The following PXDNL variants were observed in gnomAD, a reference collection of about 807,000 sequenced individuals.
PXDNL encodes the protein peroxidasin like.
A neutral mutation model predicts 150.8 loss-of-function variants in PXDNL; 145 were observed. That is an observed-to-expected ratio of 0.96 (90% CI 0.84 to 1.10). The LOEUF is 1.10. Ranked by LOEUF, PXDNL falls within the 50% of genes least tolerant of loss-of-function variation. The pLI is 0.00. For synonymous variants in PXDNL, 757 were observed against 725.7 expected (o/e 1.04, Z -0.69); for missense variants, 2,087 against 1,873.9 (o/e 1.11, Z -2.10).
At chr8:51,377,287 G>T (rs914041425) in intron 17 of PXDNL, among the ~76,000 whole-genome samples, 2 of 152,008 alleles carry the variant, frequency 1.3e-5, no homozygotes, top group African/African-American at 4.8e-5. Context: ...TTAAGAGACA[G>T]GGTCTCACTT....
At chr8:51,555,467 C>A (rs1488663620) in intron 4 of PXDNL, among the ~76,000 whole-genome samples, 1 of 152,124 alleles carries the variant, frequency 6.6e-6, no homozygotes, top group Non-Finnish European at 1.5e-5. Context: ...AAAAGTAGAG[C>A]AAAGGCAATT....
chr8:51,365,552 A>G (rs1037849691), intron 19 of PXDNL, among the ~76,000 whole-genome samples: 24 of 152,244 alleles, frequency 1.6e-4, no homozygotes, highest in Admixed American at 1.2e-3. Context: ...CCTGATAATC[A>G]TAACAGTAGT....
intron 14 of PXDNL, among the ~76,000 whole-genome samples, chr8:51,414,188 C>A (rs140291729): frequency 1.3e-5 from 2 of 151,356 alleles, no homozygotes; most frequent in Admixed American, 1.3e-4. Context: ...CAAGGTGTTA[C>A]CACAATATAG....
intron 19 of PXDNL, among the ~76,000 whole-genome samples, chr8:51,361,886 G>A (rs1991694): frequency 6.9e-6 from 1 of 145,538 alleles, no homozygotes; most frequent in African/African-American, 2.6e-5. Context: ...TACTTGAACC[G>A]CAGGTCTTGC....
chr8:51,523,970 T>G (rs1811713872), intron 4 of PXDNL, among the ~76,000 whole-genome samples: 1 of 152,202 alleles, frequency 6.6e-6, no homozygotes, highest in Non-Finnish European at 1.5e-5. Context: ...TAGAATCATG[T>G]CTCAACTGTG....
intron 19 of PXDNL, among the ~76,000 whole-genome samples, chr8:51,359,073 A>G (rs1389134384): frequency 1.3e-5 from 2 of 152,134 alleles, no homozygotes; most frequent in Admixed American, 1.3e-4. Context: ...CGGGAGGCTG[A>G]TGTCATAGCC....
At chr8:51,486,033 A>T (rs1243426199) in intron 5 of PXDNL, among the ~76,000 whole-genome samples, 2 of 152,298 alleles carry the variant, frequency 1.3e-5, no homozygotes, top group Admixed American at 1.3e-4. Context: ...GGTAAAATGA[A>T]AGCTTTCTTC....
At chr8:51,569,332 C>G (rs1005211012) in intron 3 of PXDNL, among the ~76,000 whole-genome samples, 1 of 151,828 alleles carries the variant, frequency 6.6e-6, no homozygotes, top group African/African-American at 2.4e-5. Context: ...GGTGGTTTTA[C>G]AGGTGTTTGC....
intron 1 of PXDNL, among the ~76,000 whole-genome samples, chr8:51,677,817 AT>A (rs1160059689): frequency 1.3e-5 from 2 of 152,234 alleles, no homozygotes; most frequent in African/African-American, 4.8e-5. Flanking sequence ...TTATCATTCC[AT>A]AATGAAAGTA....
intron 2 of PXDNL, among the ~76,000 whole-genome samples, chr8:51,607,195 T>C (rs1352958261): frequency 3.9e-5 from 6 of 152,154 alleles, no homozygotes; most frequent in South Asian, 2.1e-4. Flanking sequence ...GCAGTGGACA[T>C]AGGAAATGGG....
chr8:51,580,683 A>G (rs570340167), intron 3 of PXDNL, among the ~76,000 whole-genome samples: 1 of 152,292 alleles, frequency 6.6e-6, no homozygotes, highest in South Asian at 2.1e-4. Flanking sequence ...CCTGGAAGAC[A>G]AAAGTAGCTA....
At chr8:51,732,033 G>A (rs1816943951) in intron 1 of PXDNL, among the ~76,000 whole-genome samples, 1 of 152,194 alleles carries the variant, frequency 6.6e-6, no homozygotes, top group Admixed American at 6.5e-5. Context: ...TCTGCAGCCA[G>A]CTTGAATTTA....
chr8:51,577,927 GA>G (rs1329656895), intron 3 of PXDNL, among the ~76,000 whole-genome samples: 1 of 33,510 alleles, frequency 3.0e-5, no homozygotes, highest in African/African-American at 9.7e-5. Flanking sequence ...AGAAAGAAAA[GA>G]AAGAAAGAAA....
In PXDNL at chr8:51,589,870, C is replaced by A. The variant is rs148399808; in HGVS notation, c.308+2757G>T. Among the ~76,000 whole-genome samples, 1,060 of 152,260 alleles carry A rather than the reference C, an allele frequency of 7.0e-3. 8 individuals are homozygous for A. The highest frequency in any genetic ancestry group is 0.025 in the South Asian group (121 of 4,822). On this transcript the variant is annotated intron_variant, in intron 3 of 22. Transcript: ENST00000356297. ...AAAAAAGCATGTAAAAGAGAGAATA[C>A]TACAGGTGTGCCCAAGTGACCATTT...
In PXDNL at chr8:51,719,651, A is replaced by C. The variant is rs550426158; in HGVS notation, c.165-64891T>G. Among the ~76,000 whole-genome samples, 9 of 152,242 alleles carry C rather than the reference A, an allele frequency of 5.9e-5. No homozygotes were observed. The East Asian group carries it at 9.6e-4, about 16-fold the overall frequency. On this transcript the variant is annotated intron_variant, in intron 1 of 22. Transcript: ENST00000356297. ...AGAATGATCAATTTAAAAAAAAAAAAAAAACTATTTCTACCTTCTAATGAG... is the reference window on the plus strand; with the variant it reads ...AGAATGATCAATTTAAAAAAAAAAACAAAACTATTTCTACCTTCTAATGAG...
chr8:51,579,702 C>T (rs930363180), intron 3 of PXDNL, among the ~76,000 whole-genome samples: 1 of 151,898 alleles, frequency 6.6e-6, no homozygotes, highest in Non-Finnish European at 1.5e-5. Context: ...TTCTTAATAG[C>T]CAGAAACTGG....
intron 1 of PXDNL, among the ~76,000 whole-genome samples, chr8:51,712,408 G>T (rs1289207852): frequency 6.6e-6 from 1 of 152,096 alleles, no homozygotes; most frequent in African/African-American, 2.4e-5. Context: ...CTTACCATCT[G>T]AAATACTATA....
chr8:51,766,517 G>C (rs1001634311), intron 1 of PXDNL, among the ~76,000 whole-genome samples: 3 of 152,102 alleles, frequency 2.0e-5, no homozygotes, highest in Non-Finnish European at 4.4e-5. Flanking sequence ...TCATAGAGCA[G>C]GTCTGCTAGT....
chr8:51,328,995 C>A (rs1356912454), intron 21 of PXDNL, among the ~76,000 whole-genome samples: 3 of 152,192 alleles, frequency 2.0e-5, no homozygotes, highest in Non-Finnish European at 2.9e-5. Context: ...CTTCCTGACT[C>A]ACTTAATCAG....
Sources: allele counts gnomAD v4.1 joint callset (sites outside exome capture counted in the v4.1 genomes callset), GRCh38; gene constraint gnomAD v4.1.1; transcripts MANE v1.5; gene names NCBI Gene and HGNC (gene_info 2026-07-23, HGNC 2026-07-21).